The following FRAS1 variants were observed in gnomAD, a reference collection of about 807,000 sequenced individuals.
The protein encoded by FRAS1 is extracellular matrix organizing protein FRAS1.
FRAS1 carries 290 observed loss-of-function variants against 435.2 expected under a neutral mutation model. That is an observed-to-expected ratio of 0.67 (90% CI 0.61 to 0.73). The LOEUF is 0.73. Among genes scored for constraint, FRAS1 ranks in the 30% least tolerant of loss-of-function variants. The pLI is 0.00. For missense variants in FRAS1, 4,860 were observed against 5,001.5 expected (o/e 0.97, Z 0.85); for synonymous variants, 1,800 against 1,851.0 (o/e 0.97, Z 0.71).
intron 63 of FRAS1, 57 bp from the exon 64 acceptor site, chr4:78,511,217 G>T (rs1415964865): frequency 6.0e-6 from 8 of 1,342,936 alleles, no homozygotes; most frequent in Non-Finnish European, 7.2e-6. Context: ...ACCAGATCAT[G>T]TAAGGAGCTG....
At chr4:78,169,261 A>G (rs183978328) in intron 2 of FRAS1, among the ~76,000 whole-genome samples, 154 of 152,230 alleles carry the variant, frequency 1.0e-3, no homozygotes, top group Non-Finnish European at 1.5e-3. Context: ...GACTGGGTCT[A>G]CTTTTCATTA....
At chr4:78,221,801 C>T (rs1427860345) in intron 2 of FRAS1, among the ~76,000 whole-genome samples, 3 of 152,158 alleles carry the variant, frequency 2.0e-5, no homozygotes, top group Non-Finnish European at 4.4e-5. Context: ...GGCTTTTGGA[C>T]AAGGTCACAA....
intron 44 of FRAS1, among the ~76,000 whole-genome samples, chr4:78,449,351 T>A (rs1336575254): frequency 6.6e-6 from 1 of 152,170 alleles, no homozygotes; most frequent in Non-Finnish European, 1.5e-5. Context: ...TATTTTTGTC[T>A]GAGAGGAAGA....
At chr4:78,533,422 A>G (rs1721781224) in intron 70 of FRAS1, among the ~76,000 whole-genome samples, 1 of 152,248 alleles carries the variant, frequency 6.6e-6, no homozygotes, top group Non-Finnish European at 1.5e-5. Context: ...GATCCCAGAA[A>G]TGGAGGGAAG....
intron 27 of FRAS1, among the ~76,000 whole-genome samples, chr4:78,381,440 C>T (rs887720268): frequency 7.2e-5 from 11 of 152,170 alleles, no homozygotes; most frequent in African/African-American, 2.2e-4. Flanking sequence ...CAGGCACATG[C>T]CACCATACCC....
intron 41 of FRAS1, among the ~76,000 whole-genome samples, chr4:78,444,376 A>G (rs575426638): frequency 6.6e-6 from 1 of 152,234 alleles, no homozygotes; most frequent in Non-Finnish European, 1.5e-5. Context: ...AAAAAAATTC[A>G]TGTTATTGAA....
chr4:78,190,044 C>T (rs1018753395), intron 2 of FRAS1, among the ~76,000 whole-genome samples: 2 of 152,206 alleles, frequency 1.3e-5, no homozygotes, highest in African/African-American at 2.4e-5. Flanking sequence ...CTTTCCTGGC[C>T]GCAGAAAACC....
chr4:78,223,650 A>G (rs1398910343), intron 2 of FRAS1, among the ~76,000 whole-genome samples: 3 of 152,184 alleles, frequency 2.0e-5, no homozygotes, highest in Non-Finnish European at 4.4e-5. Flanking sequence ...GCCTGCACAG[A>G]CAATGGTAAT....
chr4:78,283,631 C>T (rs1428095133), intron 12 of FRAS1, among the ~76,000 whole-genome samples: 1 of 152,158 alleles, frequency 6.6e-6, no homozygotes, highest in Non-Finnish European at 1.5e-5. Context: ...TGTTTTCATT[C>T]ATGGGCCATA....
At chr4:78,121,064 G>T (rs1215140430) in intron 2 of FRAS1, among the ~76,000 whole-genome samples, 1 of 152,158 alleles carries the variant, frequency 6.6e-6, no homozygotes, top group African/African-American at 2.4e-5. Context: ...GGGCTACCAG[G>T]TCTCTCTGAG....
At chr4:78,184,742 A>G (rs2110056211) in intron 2 of FRAS1, among the ~76,000 whole-genome samples, 1 of 152,314 alleles carries the variant, frequency 6.6e-6, no homozygotes, top group East Asian at 1.9e-4. Context: ...TTGACAAGGA[A>G]GAGCCCAATC....
intron 14 of FRAS1, among the ~76,000 whole-genome samples, chr4:78,293,492 A>G (rs1727999333): frequency 2.0e-5 from 3 of 152,128 alleles, no homozygotes; most frequent in Admixed American, 2.0e-4. Flanking sequence ...GGATAATTAC[A>G]GACTCTCTAT....
chr4:78,153,126 T>TAA (rs1035896532), intron 2 of FRAS1, among the ~76,000 whole-genome samples: 1 of 152,134 alleles, frequency 6.6e-6, no homozygotes, highest in Non-Finnish European at 1.5e-5. Flanking sequence ...CTTCCTAACT[T>TAA]AAAGACTTAT....
intron 2 of FRAS1, among the ~76,000 whole-genome samples, chr4:78,179,502 A>C (rs1303091848): frequency 2.0e-5 from 3 of 152,234 alleles, no homozygotes; most frequent in African/African-American, 4.8e-5. Flanking sequence ...AAAACTCTCT[A>C]AAATGTGGAG....
intron 2 of FRAS1, among the ~76,000 whole-genome samples, chr4:78,193,433 T>G (rs899607778): frequency 6.6e-6 from 1 of 152,206 alleles, no homozygotes; most frequent in African/African-American, 2.4e-5. Flanking sequence ...TCTAAGGACT[T>G]GCTTTATGAA....
Position 78,452,200 on chromosome 4 carries a change from C to A in FRAS1, c.6609C>A (p.Thr2203=). ...AAGACAAATCCCCACCAGTCATCAC[C>A]ACCAATAAAGGACTGGTCTTGGATG... ...ILEDKSPPVI[T]TNKGLVLDEN... Residue 2203 remains threonine (T), a synonymous_variant, in exon 47 of 74, where the codon ACC becomes ACA. Coordinates refer to ENST00000512123, the MANE Select transcript of FRAS1 (RefSeq NM_025074.7). 6.2e-7 allele frequency: 1 copy of A among 1,613,684 alleles called. No individual in the cohort carries two copies. The highest frequency in any genetic ancestry group is 8.5e-7 in the Non-Finnish European group (1 of 1,179,660).
At chr4:78,180,871 C>A in intron 2 of FRAS1, 1 of 1,592,684 alleles carries the variant, frequency 6.3e-7, no homozygotes, top group Non-Finnish European at 8.6e-7. Context: ...TCCAGTTAAG[C>A]CAGAACTGGG....
Position 78,308,198 on chromosome 4 carries a change from G to T in FRAS1, c.1667G>T (p.Gly556Val). The T allele has an allele frequency of 6.2e-7, 1 of 1,613,892 alleles. No individual in the cohort carries two copies. Among genetic ancestry groups the T allele is most frequent in the Admixed American group, 1.7e-5 (1 of 60,004 alleles). The change falls in exon 15 of 74, where the codon GGC becomes GTC. Residue 556 changes from glycine to valine, a missense_variant. Transcript: ENST00000512123. ...GGAAAAGGCTTCTACAACAGGCAGG[G>T]CACCTGTAGCGGTGAGTGCTGGGTT... The part of the protein sequence containing the change: ...SCGKGFYNRQ[G>V]TCSACDQSCD...
intron 2 of FRAS1, among the ~76,000 whole-genome samples, chr4:78,126,280 G>A (rs1455846600): frequency 6.6e-6 from 1 of 152,120 alleles, no homozygotes. Context: ...GGGCAGGAGT[G>A]TACCTCTCCT....
Sources: gnomAD v4.1 joint callset for allele counts (sites outside exome capture counted in the v4.1 genomes callset) on GRCh38, gnomAD v4.1.1 for gene constraint, MANE v1.5 for transcripts, NCBI Gene and HGNC (gene_info 2026-07-23, HGNC 2026-07-21) for gene names.